Variants in FILIP1 observed in about 807,000 individuals in gnomAD.
FILIP1 encodes filamin A interacting protein 1, also known as filamin-A-interacting protein 1.
A neutral mutation model predicts 102.1 loss-of-function variants in FILIP1; 61 were observed. The observed-to-expected ratio is 0.60, with a 90% CI of 0.49 to 0.74. The LOEUF (loss-of-function observed/expected upper bound fraction) is 0.74. Among genes scored for constraint, FILIP1 ranks in the 30% least tolerant of loss-of-function variants. FILIP1 has a pLI of 0.00. For synonymous variants in FILIP1, 491 were observed against 526.9 expected, an observed-to-expected ratio of 0.93 and a Z score of 0.93; for missense variants, 1,314 against 1,441.2, an observed-to-expected ratio of 0.91 and a Z score of 1.43.
At chr6:75,342,601 C>T (rs2149589945) in intron 4 of FILIP1, among the ~76,000 whole-genome samples, 1 of 152,306 alleles carries the variant, frequency 6.6e-6, no homozygotes. Context: ...GGCTTCAAGC[C>T]CTCATTTCTG....
chr6:75,334,062 C>T (rs1408962167), intron 4 of FILIP1, among the ~76,000 whole-genome samples: 1 of 151,308 alleles, frequency 6.6e-6, no homozygotes, highest in Non-Finnish European at 1.5e-5. Context: ...AGAAAATCCA[C>T]ATGACAACAA....
At chr6:75,377,305 T>A (rs958323771) in intron 2 of FILIP1, among the ~76,000 whole-genome samples, 2 of 152,240 alleles carry the variant, frequency 1.3e-5, no homozygotes, top group Admixed American at 6.5e-5. Context: ...TCATGGGCAA[T>A]ATTTGGCCTT....
chr6:75,441,739 C>A (rs1191411274), intron 1 of FILIP1, among the ~76,000 whole-genome samples: 2 of 125,404 alleles, frequency 1.6e-5, no homozygotes, highest in African/African-American at 6.3e-5. Flanking sequence ...CCGGACGGGG[C>A]GGCTGGCCGG....
At chr6:75,354,647 C>T (rs1182836094) in intron 3 of FILIP1, among the ~76,000 whole-genome samples, 1 of 151,464 alleles carries the variant, frequency 6.6e-6, no homozygotes, top group Non-Finnish European at 1.5e-5. Context: ...TTAATGCTCA[C>T]TTACCTGATA....
intron 2 of FILIP1, among the ~76,000 whole-genome samples, chr6:75,404,950 A>C (rs73459770): frequency 6.6e-6 from 1 of 152,152 alleles, no homozygotes; most frequent in African/African-American, 2.4e-5. Context: ...AACACAGTAA[A>C]GTGTCTTTCC....
In FILIP1 at chr6:75,314,891, T is replaced by C. The variant is rs1231535672; in HGVS notation, c.941A>G (p.His314Arg). 1.2e-6 allele frequency: 2 copies of C among 1,614,046 alleles called. No homozygotes were observed. The highest frequency in any genetic ancestry group is 2.2e-5 in the East Asian group (1 of 44,900). The change falls in exon 5 of 6, where the codon CAT (histidine) becomes CGT (arginine). Residue 314 changes from histidine to arginine, a missense_variant. His to Arg is a conservative substitution (Grantham distance 29). This residue lies in a region of FILIP1 where 494 missense variants were observed against 511.2 expected (regional missense o/e 0.97). Coordinates refer to ENST00000237172, the MANE Select transcript of FILIP1 (RefSeq NM_015687.5). ...EHKASRFSQE[H>R]EEMNAKLANQ... ...AGCCAGTTTAGCGTTCATCTCTTCATGCTCTTGAGAAAACCTCGAAGCCTT... is the reference window on the plus strand; with the variant it reads ...AGCCAGTTTAGCGTTCATCTCTTCACGCTCTTGAGAAAACCTCGAAGCCTT...
rs1305878827 is a variant in FILIP1, at chr6:75,441,808, CGG to C, written c.-6-26832_-6-26831del. Among the ~76,000 whole-genome samples the C allele has an allele frequency of 2.1e-3, 311 of 149,712 alleles. 6 individuals are homozygous for C. Among genetic ancestry groups the C allele is most frequent in the Middle Eastern group, 3.5e-3 (1 of 282 alleles). On this transcript the variant is annotated intron_variant, in intron 1 of 5. Coordinates refer to ENST00000237172, the MANE Select transcript of FILIP1 (RefSeq NM_015687.5). ...CCGGGCAGAGGTGCCCCTCACCTCC[CGG>C]ACGGGGCGGCTGGCCGGGCGGGGGG... is the stretch of plus-strand genomic sequence containing the variant.
At chr6:75,454,307 A>C (rs1778745531) in intron 1 of FILIP1, among the ~76,000 whole-genome samples, 1 of 152,166 alleles carries the variant, frequency 6.6e-6, no homozygotes, top group Non-Finnish European at 1.5e-5. Flanking sequence ...CACCAGCAAT[A>C]GTGCATTGAG....
At chr6:75,308,986 GC>G in intron 5 of FILIP1, 89 bp from the exon 6 acceptor site, 1 of 1,410,202 alleles carries the variant, frequency 7.1e-7, no homozygotes, top group Non-Finnish European at 9.8e-7. Context: ...TGGGACTCTT[GC>G]CACACAGGAA....
At chr6:75,399,528 A>C (rs1416288764) in intron 2 of FILIP1, among the ~76,000 whole-genome samples, 2 of 152,170 alleles carry the variant, frequency 1.3e-5, no homozygotes, top group African/African-American at 4.8e-5. Flanking sequence ...CTTTAGCATA[A>C]AGTGGAATTA....
intron 4 of FILIP1, among the ~76,000 whole-genome samples, chr6:75,326,096 TAGATAGATAGATAGAG>T (rs1316884119): frequency 4.1e-5 from 1 of 24,224 alleles, no homozygotes; most frequent in Non-Finnish European, 9.2e-5. Flanking sequence ...ATAGATAGAT[TAGATAGATAGATAGAG>T]AGATAGATAG....
chr6:75,486,061 G>A (rs1050740592), intron 1 of FILIP1, among the ~76,000 whole-genome samples: 3 of 151,476 alleles, frequency 2.0e-5, no homozygotes, highest in Non-Finnish European at 2.9e-5. Context: ...TACCAACAAC[G>A]GGGATAAGTA....
At chr6:75,417,138 C>T (rs1582473205) in intron 1 of FILIP1, among the ~76,000 whole-genome samples, 1 of 152,104 alleles carries the variant, frequency 6.6e-6, no homozygotes, top group Non-Finnish European at 1.5e-5. Context: ...CTATTCCCTT[C>T]CACATTAATT....
rs550386241 is a variant in FILIP1 at position 75,324,610 on chromosome 6, A to G, written c.630-9408T>C. On this transcript the variant is annotated intron_variant, in intron 4 of 5. Coordinates refer to ENST00000237172, the MANE Select transcript of FILIP1 (RefSeq NM_015687.5). Reference sequence around the variant, plus strand: ...ACAATCCTAAAATTTATATGGAACCAAAAAAGAGCCCACATAGCCAAAGCA... The same window carrying G: ...ACAATCCTAAAATTTATATGGAACCGAAAAAGAGCCCACATAGCCAAAGCA... Among the ~76,000 whole-genome samples, 103 of 152,320 alleles carry G rather than the reference A, an allele frequency of 6.8e-4. 1 individual carries two copies. In the South Asian group the frequency reaches 0.015, roughly 21 times the overall value.
intron 4 of FILIP1, among the ~76,000 whole-genome samples, chr6:75,337,885 GA>G (rs1413504929): frequency 6.6e-6 from 1 of 152,190 alleles, no homozygotes; most frequent in African/African-American, 2.4e-5. Flanking sequence ...TGGTAGTGTA[GA>G]TAAGAGCACT....
chr6:75,483,876 C>G (rs1352262979), intron 1 of FILIP1, among the ~76,000 whole-genome samples: 1 of 152,120 alleles, frequency 6.6e-6, no homozygotes, highest in Non-Finnish European at 1.5e-5. Context: ...CACCTGCTTG[C>G]TGGGGGCTGG....
intron 1 of FILIP1, among the ~76,000 whole-genome samples, chr6:75,448,713 C>A (rs1778520635): frequency 6.6e-6 from 1 of 152,006 alleles, no homozygotes; most frequent in African/African-American, 2.4e-5. Flanking sequence ...AAAGAAGATA[C>A]ACAAATGGCC....
At chr6:75,485,468 C>A (rs779582498) in intron 1 of FILIP1, among the ~76,000 whole-genome samples, 2 of 152,092 alleles carry the variant, frequency 1.3e-5, no homozygotes, top group East Asian at 3.9e-4. Flanking sequence ...CTGTTATATT[C>A]CATCCCATAT....
chr6:75,436,251 A>G (rs1778016257), intron 1 of FILIP1, among the ~76,000 whole-genome samples: 1 of 152,062 alleles, frequency 6.6e-6, no homozygotes, highest in African/African-American at 2.4e-5. Context: ...ATGTGCCTGT[A>G]ATCCCAGCTA....
Sources: gnomAD v4.1 joint callset for allele counts (sites outside exome capture counted in the v4.1 genomes callset) on GRCh38, gnomAD v4.1.1 for gene constraint, gnomAD v4.1.1 regional missense constraint, MANE v1.5 for transcripts, NCBI Gene and HGNC (gene_info 2026-07-23, HGNC 2026-07-21) for gene names.